Variants in ZC3HAV1L observed in about 807,000 individuals in gnomAD.
ZC3HAV1L encodes zinc finger CCCH-type antiviral protein 1-like.
Under a neutral mutation model 28.2 loss-of-function variants are expected in ZC3HAV1L, and 23 were observed. The observed-to-expected ratio is 0.82, with a 90% CI of 0.59 to 1.16. ZC3HAV1L has a LOEUF of 1.16. Among genes scored for constraint, ZC3HAV1L ranks in the 50% most tolerant of loss-of-function variants. The probability of loss-of-function intolerance (pLI) is 0.00; values close to 1 mark genes in which losing one functional copy is unlikely to be tolerated. For missense variants in ZC3HAV1L, 376 were observed against 387.7 expected, an observed-to-expected ratio of 0.97 and a Z score of 0.25; for synonymous variants, 180 against 163.4, an observed-to-expected ratio of 1.10 and a Z score of -0.78.
chr7:139,035,031 G>A (rs1270448708), intron 1 of ZC3HAV1L: 6 of 985,292 alleles, frequency 6.1e-6, no homozygotes, highest in East Asian at 1.1e-4. Context: ...CCCCAGCACC[G>A]CTTTGGCGGG....
rs1207996774 is a variant in ZC3HAV1L, at chr7:139,035,900, C to T, written c.118G>A (p.Val40Met). 6.6e-7 allele frequency: 1 copy of T among 1,512,754 alleles called. No individual in the cohort carries two copies. Among genetic ancestry groups the T allele is most frequent in the South Asian group, 1.2e-5 (1 of 81,550 alleles). 93.7% of individuals were successfully genotyped at this position (1,512,754 alleles called of 1,614,324 possible). A position where few individuals can be genotyped will look rare whatever the true frequency, so the allele number is the denominator to read the frequency against. ...CGCTCGGGCCCGGCGCGCTGCAGCACGTCCCGGAGCCTGGCCTCCGACAGC... is the reference window on the plus strand; with the variant it reads ...CGCTCGGGCCCGGCGCGCTGCAGCATGTCCCGGAGCCTGGCCTCCGACAGC... ...VELSEARLRD[V>M]LQRAGPERFL... The change falls in exon 1 of 5, where the codon GTG (valine) becomes ATG (methionine). Residue 40 changes from valine (V) to methionine (M), a missense_variant. Val to Met is a conservative substitution (Grantham distance 21). Coordinates refer to ENST00000275766, the MANE Select transcript of ZC3HAV1L (RefSeq NM_080660.4).
At chr7:139,034,135 C>A in intron 2 of ZC3HAV1L, 10 of 985,420 alleles carry the variant, frequency 1.0e-5, no homozygotes, top group Non-Finnish European at 1.2e-5. Flanking sequence ...CCTTTCTAGA[C>A]GCTGAAATGC....
chr7:139,034,497 G>C (rs770277502), intron 2 of ZC3HAV1L, 46 bp downstream of exon 2: 1 of 1,601,864 alleles, frequency 6.2e-7, no homozygotes, highest in East Asian at 2.2e-5. Flanking sequence ...AATGGGGAAA[G>C]TACTTGTAGC....
chr7:139,032,500 C>T (rs371215727), intron 2 of ZC3HAV1L, among the ~76,000 whole-genome samples: 2 of 150,184 alleles, frequency 1.3e-5, no homozygotes, highest in African/African-American at 4.9e-5. Flanking sequence ...AGCTGGGCAT[C>T]ATGGTGGGCG....
chr7:139,024,272 G>C (rs1157610487), downstream of ZC3HAV1L, among the ~76,000 whole-genome samples: 1 of 152,054 alleles, frequency 6.6e-6, no homozygotes, highest in African/African-American at 2.4e-5. Flanking sequence ...GATTAAAGTA[G>C]ACTATTATAG....
chr7:139,028,732 T>C lies in ZC3HAV1L; in HGVS notation c.730A>G (p.Met244Val), dbSNP rs143515904. The C allele has an allele frequency of 3.1e-6, 5 of 1,614,168 alleles. No homozygotes were observed. The highest frequency in any genetic ancestry group is 3.4e-6 in the Non-Finnish European group (4 of 1,180,014). ...TTTTCAAGCATCTTGTGCAGCTTCA[T>C]ATGCTTGTAGGTGGAGATTATCTGA... ...NFQIISTYKH[M>V]KLHKMLENTD... is the part of the protein sequence containing the mutation. The change falls in exon 3 of 5, where the codon ATG (methionine) becomes GTG (valine). Residue 244 changes from methionine (M) to valine (V), a missense_variant. Physicochemically the swap from Met to Val is conservative, Grantham distance 21 (BLOSUM62 1). Transcript: ENST00000275766.
At chr7:139,029,646 C>T (rs1033216962) in intron 2 of ZC3HAV1L, among the ~76,000 whole-genome samples, 19 of 152,162 alleles carry the variant, frequency 1.2e-4, no homozygotes, top group East Asian at 1.9e-4. Context: ...AAGTCAAGGC[C>T]AGACCTTATG....
intron 2 of ZC3HAV1L, chr7:139,034,143 T>G: frequency 7.1e-6 from 7 of 985,394 alleles, no homozygotes; most frequent in Non-Finnish European, 7.2e-6. Flanking sequence ...GACGCTGAAA[T>G]GCATTAGAGT....
intron 3 of ZC3HAV1L, among the ~76,000 whole-genome samples, chr7:139,027,728 G>T (rs1380079954): frequency 1.3e-5 from 2 of 151,882 alleles, no homozygotes; most frequent in Non-Finnish European, 2.9e-5. Flanking sequence ...ATTTATAATG[G>T]GAATATGCAA....
rs1815334962 is a variant in ZC3HAV1L at position 139,025,723 on chromosome 7, T to C, written c.*821A>G. 2 of 152,042 alleles carry C rather than the reference T, an allele frequency of 1.3e-5. No individual in the cohort carries two copies. The highest frequency in any genetic ancestry group is 2.1e-4 in the South Asian group (1 of 4,824). 9.4% of individuals were successfully genotyped at this position (152,042 alleles called of 1,614,324 possible). A position where few individuals can be genotyped will look rare whatever the true frequency, so the allele number is the denominator to read the frequency against. On this transcript the variant is annotated 3_prime_UTR_variant, in exon 5 of 5. Transcript: ENST00000275766. ...CACCAGAAAACTATTCACTCATACA[T>C]ATATTTTTAAAAATGCAAATGACAG... is the stretch of plus-strand genomic sequence containing the variant.
rs772918155 is a variant in ZC3HAV1L, at chr7:139,028,922, G to A, written c.540C>T (p.Gly180=). ...LLYNKGEALY[G]YCNLKDKCNK... ...TGCATTTATCCTTGAGGTTGCAGTA[G>A]CCATACAGGGCTTCCCCTTTGTTGT... The change falls in exon 3 of 5, where the codon GGC becomes GGT. Residue 180 remains glycine (G), a synonymous_variant. Coordinates refer to ENST00000275766, the MANE Select transcript of ZC3HAV1L (RefSeq NM_080660.4). 1.2e-6 allele frequency: 2 copies of A among 1,614,166 alleles called. No individual in the cohort carries two copies. The highest frequency in any genetic ancestry group is 1.7e-6 in the Non-Finnish European group (2 of 1,180,028).
At chr7:139,024,977 G>A (rs1053685889), downstream of ZC3HAV1L, among the ~76,000 whole-genome samples, 2 of 136,950 alleles carry the variant, frequency 1.5e-5, no homozygotes, top group Non-Finnish European at 3.1e-5. Flanking sequence ...AACACAGCTG[G>A]GTAGGTGGAG....
intron 2 of ZC3HAV1L, among the ~76,000 whole-genome samples, chr7:139,033,255 G>A (rs1815590645): frequency 6.6e-6 from 1 of 150,694 alleles, no homozygotes; most frequent in African/African-American, 2.4e-5. Flanking sequence ...TCTAACTAAT[G>A]CTTTGAGGTT....
At chr7:139,030,484 G>C (rs1815492116) in intron 2 of ZC3HAV1L, among the ~76,000 whole-genome samples, 1 of 151,836 alleles carries the variant, frequency 6.6e-6, no homozygotes, top group Non-Finnish European at 1.5e-5. Flanking sequence ...GCAGTGAGCT[G>C]AGATTGCGCC....
At chr7:139,023,927 G>C (rs1815296715), downstream of ZC3HAV1L, among the ~76,000 whole-genome samples, 1 of 151,988 alleles carries the variant, frequency 6.6e-6, no homozygotes. Flanking sequence ...CCAACACTGG[G>C]TAACCAATTT....
At chr7:139,028,198 C>A (rs1185048728) in intron 3 of ZC3HAV1L, among the ~76,000 whole-genome samples, 1 of 151,942 alleles carries the variant, frequency 6.6e-6, no homozygotes, top group Non-Finnish European at 1.5e-5. Flanking sequence ...CATGGTGAAA[C>A]CCCGCCTCGA....
At chr7:139,025,450 A>AG (rs1491520318), downstream of ZC3HAV1L, among the ~76,000 whole-genome samples, 11 of 30,392 alleles carry the variant, frequency 3.6e-4, no homozygotes, top group Non-Finnish European at 7.5e-4. Flanking sequence ...CTCTGTCTCC[A>AG]AAAAAAAAAA....
chr7:139,028,895 G>A lies in ZC3HAV1L; in HGVS notation c.567C>T (p.Asn189=), dbSNP rs963012027. 3.7e-6 allele frequency: 6 copies of A among 1,614,174 alleles called. No individual in the cohort carries two copies. The highest frequency in any genetic ancestry group is 5.1e-6 in the Non-Finnish European group (6 of 1,180,030). The change falls in exon 3 of 5, where the codon AAC becomes AAT. Residue 189 remains asparagine (N), a synonymous_variant. Transcript: ENST00000275766. Reference sequence around the variant, plus strand: ...CAAAGGATTTGCACACATGAAACTTGTTGCATTTATCCTTGAGGTTGCAGT... The same window carrying A: ...CAAAGGATTTGCACACATGAAACTTATTGCATTTATCCTTGAGGTTGCAGT... ...YGYCNLKDKC[N]KFHVCKSFVK...
downstream of ZC3HAV1L, among the ~76,000 whole-genome samples, chr7:139,023,661 G>A (rs1815292194): frequency 6.6e-6 from 1 of 152,188 alleles, no homozygotes; most frequent in Non-Finnish European, 1.5e-5. Context: ...AGTGAAGAGT[G>A]GTAAGGAGAC....
Sources: gnomAD v4.1 joint callset for allele counts (sites outside exome capture counted in the v4.1 genomes callset) on GRCh38, gnomAD v4.1.1 for gene constraint, MANE v1.5 for transcripts, NCBI Gene and HGNC (gene_info 2026-07-23, HGNC 2026-07-21) for gene names.